The following IMMP2L variants were observed in gnomAD, a reference collection of about 807,000 sequenced individuals.
IMMP2L encodes inner mitochondrial membrane peptidase subunit 2.
Under a neutral mutation model 19.3 loss-of-function variants are expected in IMMP2L, and 18 were observed. The observed-to-expected ratio is 0.93, with a 90% confidence interval of 0.64 to 1.38. IMMP2L has a LOEUF of 1.38. Ranked by LOEUF, IMMP2L falls within the 40% of genes most tolerant of loss-of-function variation. The pLI is 0.00. For missense variants in IMMP2L, 233 were observed against 218.2 expected (o/e 1.07, Z -0.43); for synonymous variants, 76 against 73.0 (o/e 1.04, Z -0.21).
chr7:111,072,259 T>C (rs1795018404), intron 3 of IMMP2L, among the ~76,000 whole-genome samples: 1 of 152,186 alleles, frequency 6.6e-6, no homozygotes, highest in African/African-American at 2.4e-5. Context: ...CAAGAATCAT[T>C]GGTGACTGCA....
chr7:111,547,600 G>C (rs1280788558), intron 1 of IMMP2L, among the ~76,000 whole-genome samples: 1 of 150,966 alleles, frequency 6.6e-6, no homozygotes, highest in East Asian at 2.0e-4. Flanking sequence ...CTGTCACCCA[G>C]GCTGGAGTAC....
At chr7:111,399,776 AAACATGTACTAG>A (rs1000116212) in intron 3 of IMMP2L, among the ~76,000 whole-genome samples, 1 of 152,146 alleles carries the variant, frequency 6.6e-6, no homozygotes, top group African/African-American at 2.4e-5. Flanking sequence ...CCTATCATTT[AAACATGTACTAG>A]CATATCCTAT....
intron 3 of IMMP2L, among the ~76,000 whole-genome samples, chr7:111,084,449 G>C (rs1796142701): frequency 6.6e-6 from 1 of 152,052 alleles, no homozygotes; most frequent in Admixed American, 6.6e-5. Flanking sequence ...AGGATTGATA[G>C]GTAGAAAGAT....
intron 5 of IMMP2L, among the ~76,000 whole-genome samples, chr7:110,668,586 A>AT (rs1483006142): frequency 1.3e-5 from 2 of 152,038 alleles, no homozygotes; most frequent in Non-Finnish European, 2.9e-5. Context: ...TAGTGATTCA[A>AT]TTTTTTTTAA....
intron 5 of IMMP2L, among the ~76,000 whole-genome samples, chr7:110,853,280 C>A (rs1806431008): frequency 1.3e-5 from 2 of 151,812 alleles, no homozygotes; most frequent in Non-Finnish European, 2.9e-5. Flanking sequence ...CATATGTATT[C>A]ATTGGTATTG....
Position 111,562,032 on chromosome 7 carries a change from C to G in IMMP2L, c.-184G>C, listed in dbSNP as rs751651826. ...TTCCAGGCAGAAGGCAGCGCGCCCC[C>G]ACAGCGCTCCCTCACGGCCAGAGCC... On this transcript the variant is annotated 5_prime_UTR_variant, in exon 1 of 6. Coordinates refer to ENST00000405709, the MANE Select transcript of IMMP2L (RefSeq NM_032549.4). The G allele has an allele frequency of 2.0e-5, 3 of 152,522 alleles. No homozygotes were observed. The highest frequency in any genetic ancestry group is 4.4e-5 in the Non-Finnish European group (3 of 68,160). 9.4% of individuals were successfully genotyped at this position (152,522 alleles called of 1,614,324 possible).
intron 3 of IMMP2L, among the ~76,000 whole-genome samples, chr7:111,312,188 AAAG>A (rs767663567): frequency 1.3e-5 from 2 of 152,118 alleles, no homozygotes; most frequent in South Asian, 2.1e-4. Context: ...CTCCTTAGAG[AAAG>A]AAGAAGAGGT....
chr7:111,430,730 A>G (rs1836541334), intron 3 of IMMP2L, among the ~76,000 whole-genome samples: 1 of 151,638 alleles, frequency 6.6e-6, no homozygotes, highest in Admixed American at 6.6e-5. Context: ...TGGGTGCACA[A>G]AATAAGAACC....
At chr7:111,353,510 G>T (rs1318153872) in intron 3 of IMMP2L, among the ~76,000 whole-genome samples, 1 of 152,002 alleles carries the variant, frequency 6.6e-6, no homozygotes, top group African/African-American at 2.4e-5. Flanking sequence ...ATTTCATATA[G>T]CTCAGCTGCT....
chr7:110,842,646 T>G (rs1805209851), intron 5 of IMMP2L, among the ~76,000 whole-genome samples: 1 of 152,166 alleles, frequency 6.6e-6, no homozygotes, highest in Admixed American at 6.5e-5. Flanking sequence ...GAAGGGAAAG[T>G]TAATCAGTTT....
chr7:110,674,453 A>G (rs1304043134), intron 5 of IMMP2L, among the ~76,000 whole-genome samples: 1 of 152,194 alleles, frequency 6.6e-6, no homozygotes, highest in Non-Finnish European at 1.5e-5. Flanking sequence ...GAAGCACAAC[A>G]CTTTTAAATC....
intron 3 of IMMP2L, among the ~76,000 whole-genome samples, chr7:111,472,839 T>C (rs1841384756): frequency 6.6e-6 from 1 of 152,048 alleles, no homozygotes; most frequent in Non-Finnish European, 1.5e-5. Context: ...CTCATGCCTG[T>C]AATCCCAGCA....
chr7:111,363,784 T>C (rs374794166), intron 3 of IMMP2L, among the ~76,000 whole-genome samples: 28 of 152,062 alleles, frequency 1.8e-4, no homozygotes, highest in Non-Finnish European at 2.9e-4. Context: ...CTGATCCCTA[T>C]TGACCTCTCT....
At chr7:111,115,622 G>A (rs1799788770) in intron 3 of IMMP2L, among the ~76,000 whole-genome samples, 1 of 151,750 alleles carries the variant, frequency 6.6e-6, no homozygotes, top group Non-Finnish European at 1.5e-5. Context: ...ACGTATTAGG[G>A]TGAGACATTT....
intron 2 of IMMP2L, among the ~76,000 whole-genome samples, chr7:111,504,342 G>C (rs187658501): frequency 1.3e-5 from 2 of 151,968 alleles, no homozygotes; most frequent in African/African-American, 4.8e-5. Context: ...AAATGGAAGG[G>C]CATTCCATGC....
chr7:110,803,648 G>A lies in IMMP2L; in HGVS notation c.408+82945C>T, dbSNP rs1159166557. Reference sequence around the variant, plus strand: ...TAGTCATTGGATGGGGGGAGCTCCAGAAATGGGAGTGACCTTGGACCAGGC... The same window carrying A: ...TAGTCATTGGATGGGGGGAGCTCCAAAAATGGGAGTGACCTTGGACCAGGC... On this transcript the variant is annotated intron_variant, in intron 5 of 5. Coordinates refer to ENST00000405709, the MANE Select transcript of IMMP2L (RefSeq NM_032549.4). This position sits in a 1 kb window ranked among gnomAD's most constrained non-coding sequence, Gnocchi z 4.2. Among the ~76,000 whole-genome samples, 3 of 152,016 alleles carry A rather than the reference G, an allele frequency of 2.0e-5. No homozygotes were observed. The highest frequency in any genetic ancestry group is 7.2e-5 in the African/African-American group (3 of 41,420).
chr7:111,063,023 G>A (rs1217646034), intron 3 of IMMP2L, among the ~76,000 whole-genome samples: 1 of 152,232 alleles, frequency 6.6e-6, no homozygotes, highest in Admixed American at 6.5e-5. Context: ...ACTAGGCAGT[G>A]CCCCAGTAGG....
At chr7:110,936,731 C>T (rs1266642199) in intron 4 of IMMP2L, among the ~76,000 whole-genome samples, 2 of 151,994 alleles carry the variant, frequency 1.3e-5, no homozygotes, top group East Asian at 1.9e-4. Flanking sequence ...GATCATTCTA[C>T]TATAAAGACA....
chr7:110,833,167 G>A (rs748014801), intron 5 of IMMP2L, among the ~76,000 whole-genome samples: 7 of 152,106 alleles, frequency 4.6e-5, no homozygotes, highest in Non-Finnish European at 1.0e-4. Context: ...GGTCGGGCAC[G>A]GTGGCTCATG....
Sources: gnomAD v4.1 joint callset for allele counts (sites outside exome capture counted in the v4.1 genomes callset) on GRCh38, gnomAD v4.1.1 for gene constraint, Gnocchi (gnomAD v3.1) non-coding constraint, MANE v1.5 for transcripts, NCBI Gene and HGNC (gene_info 2026-07-23, HGNC 2026-07-21) for gene names.